The following CTPS2 variants were observed in gnomAD, a reference collection of about 807,000 sequenced individuals.
CTPS2 encodes the protein CTP synthase II.
CTPS2 carries 19 observed loss-of-function variants against 46.8 expected under a neutral mutation model. That is an observed-to-expected ratio of 0.41 (90% CI 0.28 to 0.60). The LOEUF (loss-of-function observed/expected upper bound fraction) is 0.60. Among genes scored for constraint, CTPS2 ranks in the 20% least tolerant of loss-of-function variants. The pLI, the probability that CTPS2 is intolerant of heterozygous loss-of-function variation, is 0.35. For missense variants in CTPS2, 286 were observed against 447.6 expected (o/e 0.64, Z 3.26); for synonymous variants, 151 against 165.2 (o/e 0.91, Z 0.66).
intron 16 of CTPS2, among the ~76,000 whole-genome samples, chrX:16,616,853 C>T (rs1930554649): frequency 9.0e-6 from 1 of 111,052 alleles, no homozygotes. Context: ...CGCCACCACA[C>T]CTGGCTAATT....
chrX:16,685,355 C>G (rs764519732), intron 8 of CTPS2, among the ~76,000 whole-genome samples: 6 of 111,455 alleles, frequency 5.4e-5, no homozygotes, highest in African/African-American at 9.8e-5. Flanking sequence ...GCAGGTGGTA[C>G]AGGTGAGTCC....
intron 1 of CTPS2, among the ~76,000 whole-genome samples, chrX:16,709,535 A>G (rs949509784): frequency 9.1e-6 from 1 of 110,463 alleles, no homozygotes; most frequent in African/African-American, 3.3e-5. Flanking sequence ...TAAGATCTAA[A>G]TTTTATTTGT....
At chrX:16,642,169 G>A (rs751083299) in intron 13 of CTPS2, among the ~76,000 whole-genome samples, 1 of 112,042 alleles carries the variant, frequency 8.9e-6, no homozygotes, top group Admixed American at 9.5e-5. Flanking sequence ...TTACACTAGG[G>A]TATTAGTTCA....
intron 10 of CTPS2, among the ~76,000 whole-genome samples, chrX:16,676,837 G>A (rs1212204974): frequency 1.8e-5 from 2 of 111,164 alleles, no homozygotes; most frequent in East Asian, 5.6e-4. Flanking sequence ...CAAGGCGGGT[G>A]GATAACGAGG....
intron 17 of CTPS2, among the ~76,000 whole-genome samples, chrX:16,603,653 C>A (rs1457078277): frequency 1.8e-5 from 2 of 109,763 alleles, no homozygotes; most frequent in Non-Finnish European, 1.9e-5. Flanking sequence ...CAGGTATAGG[C>A]TCATAGGAAA....
chrX:16,667,002 G>T (rs1403286574), intron 13 of CTPS2, among the ~76,000 whole-genome samples: 1 of 111,259 alleles, frequency 9.0e-6, no homozygotes, highest in Non-Finnish European at 1.9e-5. Flanking sequence ...AGAGAAATCA[G>T]TCCAGGATTG....
At chrX:16,712,877 G>C (rs1179631272), upstream of CTPS2, 1 of 111,615 alleles carries the variant, frequency 9.0e-6, no homozygotes, top group Non-Finnish European at 1.9e-5. Flanking sequence ...CCCCTACTAC[G>C]CCCCAGGAAC....
chrX:16,677,074 A>C (rs781292850), intron 10 of CTPS2, among the ~76,000 whole-genome samples: 182 of 109,127 alleles, frequency 1.7e-3, no homozygotes, highest in Non-Finnish European at 3.0e-3. Context: ...AAAAAAAAAA[A>C]AAAACAAGAG....
intron 1 of CTPS2, among the ~76,000 whole-genome samples, chrX:16,704,935 C>T (rs1924876322): frequency 9.1e-6 from 1 of 109,301 alleles, no homozygotes; most frequent in Non-Finnish European, 1.9e-5. Context: ...GCAATGAGAG[C>T]GAAACTCCGT....
Position 16,711,021 on chromosome X carries a change from T to C in CTPS2, c.-40+1314A>G, listed in dbSNP as rs769624643. 4.5e-5 allele frequency among the ~76,000 whole-genome samples: 5 copies of C among 112,235 alleles called. No individual in the cohort carries two copies. The South Asian group carries it at 1.5e-3, about 33-fold the overall frequency. The stretch of plus-strand genomic sequence containing the variant: ...TTCCTCCATTGAGGATTGTTTCTGG[T>C]GTCAAGACAAGTTTTTCATTTACTC... On this transcript the variant is annotated intron_variant, in intron 1 of 18. Coordinates refer to ENST00000359276, the MANE Select transcript of CTPS2 (RefSeq NM_175859.3).
chrX:16,678,131 G>T (rs763759987), intron 10 of CTPS2, among the ~76,000 whole-genome samples: 10 of 111,790 alleles, frequency 8.9e-5, no homozygotes, highest in Non-Finnish European at 1.3e-4. Flanking sequence ...CTTTCCCACA[G>T]TATCCCCATC....
rs761822302 is a variant in CTPS2, at chrX:16,678,361, C to T, written c.1094+1G>A. On this transcript the variant is annotated splice_donor_variant, in intron 10 of 18. Transcript: ENST00000359276. LOFTEE classifies it high-confidence loss of function. ...TGGTGTGCGTGGGCCCTGGTACTCA[C>T]TCAGCTTTGCATAGCTTCTGCCAAG... is the stretch of plus-strand genomic sequence containing the variant. 8.5e-7 allele frequency: 1 copy of T among 1,178,711 alleles called. No homozygotes were observed. The highest frequency in any genetic ancestry group is 1.2e-6 in the Non-Finnish European group (1 of 868,188).
At chrX:16,609,831 C>G in intron 16 of CTPS2, 146 bp from the exon 17 acceptor site, 1 of 578,004 alleles carries the variant, frequency 1.7e-6, no homozygotes, top group Non-Finnish European at 2.5e-6. Flanking sequence ...CTTTCACTAT[C>G]CATCCATTCC....
rs191390511 is a variant in CTPS2, at chrX:16,640,412, A to T, written c.1297-1169T>A. On this transcript the variant is annotated intron_variant, in intron 13 of 18. Coordinates refer to ENST00000359276, the MANE Select transcript of CTPS2 (RefSeq NM_175859.3). ...CCAGGAGCTGGTATTTCTGGGAGCCATAGCTGAGTCAGGGTCCTCTCTCTG... is the reference window on the plus strand; with the variant it reads ...CCAGGAGCTGGTATTTCTGGGAGCCTTAGCTGAGTCAGGGTCCTCTCTCTG... 2.3e-4 allele frequency among the ~76,000 whole-genome samples: 26 copies of T among 111,415 alleles called. 1 individual carries two copies. Among genetic ancestry groups the T allele is most frequent in the African/African-American group, 6.8e-4 (21 of 30,670 alleles).
intron 5 of CTPS2, 63 bp downstream of exon 5, chrX:16,693,308 A>G: frequency 9.4e-7 from 1 of 1,063,302 alleles, no homozygotes; most frequent in Non-Finnish European, 1.3e-6. Context: ...AATGCAGGAC[A>G]CATAGAATAT....
intron 1 of CTPS2, among the ~76,000 whole-genome samples, chrX:16,707,999 AAGAGAG>A (rs200341208): frequency 9.1e-6 from 1 of 110,117 alleles, no homozygotes; most frequent in African/African-American, 3.3e-5. Flanking sequence ...AAAAAATAAA[AAGAGAG>A]AGAGAGAGAG....
intron 13 of CTPS2, among the ~76,000 whole-genome samples, chrX:16,662,627 T>A (rs1323256982): frequency 4.5e-5 from 5 of 110,833 alleles, no homozygotes; most frequent in Non-Finnish European, 9.4e-5. Flanking sequence ...AAAGTAACTG[T>A]TATTTGCTCA....
intron 14 of CTPS2, among the ~76,000 whole-genome samples, chrX:16,634,817 C>T (rs1381270543): frequency 1.8e-5 from 2 of 110,536 alleles, no homozygotes; most frequent in Middle Eastern, 4.6e-3. Flanking sequence ...GGCATAGTAG[C>T]GCATGCCTGT....
chrX:16,644,489 C>T (rs1932219488), intron 13 of CTPS2, among the ~76,000 whole-genome samples: 1 of 111,088 alleles, frequency 9.0e-6, no homozygotes, highest in South Asian at 3.8e-4. Context: ...AGGGTGGGCC[C>T]ATTGTAACCA....
Sources: allele counts gnomAD v4.1 joint callset (sites outside exome capture counted in the v4.1 genomes callset), GRCh38; gene constraint gnomAD v4.1.1; transcripts MANE v1.5; gene names NCBI Gene and HGNC (gene_info 2026-07-23, HGNC 2026-07-21).